The following CEP85L variants were observed in gnomAD, a reference collection of about 807,000 sequenced individuals.
CEP85L encodes centrosomal protein 85L, also known as centrosomal protein of 85 kDa-like.
Under a neutral mutation model 100.3 loss-of-function variants are expected in CEP85L, and 60 were observed. The observed-to-expected ratio is 0.60, with a 90% CI of 0.49 to 0.74. CEP85L has a LOEUF of 0.74. Among genes scored for constraint, CEP85L ranks in the 30% least tolerant of loss-of-function variants. The pLI, the probability that CEP85L is intolerant of heterozygous loss-of-function variation, is 0.00. For missense variants in CEP85L, 973 were observed against 936.2 expected, an observed-to-expected ratio of 1.04 and a Z score of -0.51; for synonymous variants, 319 against 322.7, an observed-to-expected ratio of 0.99 and a Z score of 0.12.
chr6:118,708,439 C>A (rs760912117), intron 1 of CEP85L, among the ~76,000 whole-genome samples: 2 of 152,172 alleles, frequency 1.3e-5, no homozygotes, highest in African/African-American at 4.8e-5. Context: ...GAAAAGATAA[C>A]CCATAAACTT....
intron 5 of CEP85L, among the ~76,000 whole-genome samples, chr6:118,503,831 C>CAAA (rs71012390): frequency 0.48 from 60,108 of 126,334 alleles, 14,990 homozygotes; most frequent in Middle Eastern, 0.56. Flanking sequence ...TATAAAACTC[C>CAAA]AAAAAAAAAA....
At chr6:118,533,390 A>G (rs1465132329) in intron 3 of CEP85L, among the ~76,000 whole-genome samples, 1 of 152,184 alleles carries the variant, frequency 6.6e-6, no homozygotes, top group African/African-American at 2.4e-5. Context: ...CTTAAAAAAC[A>G]CAAACTTACC....
At chr6:118,567,203 ATATG>A (rs1454398256) in intron 2 of CEP85L, among the ~76,000 whole-genome samples, 3 of 92,082 alleles carry the variant, frequency 3.3e-5, no homozygotes, top group South Asian at 4.3e-4. Flanking sequence ...GTATGAATAT[ATATG>A]TATGTGTGTG....
chr6:118,471,153 C>G (rs1772927432), intron 10 of CEP85L, among the ~76,000 whole-genome samples: 1 of 151,980 alleles, frequency 6.6e-6, no homozygotes, highest in African/African-American at 2.4e-5. Context: ...ATACTGTGAA[C>G]TCTGGGTCAA....
intron 5 of CEP85L, among the ~76,000 whole-genome samples, chr6:118,508,022 A>G (rs1229338956): frequency 2.0e-5 from 3 of 152,202 alleles, no homozygotes; most frequent in Non-Finnish European, 4.4e-5. Flanking sequence ...AAGATAAACA[A>G]TTTTTAAGGA....
intron 11 of CEP85L, among the ~76,000 whole-genome samples, chr6:118,470,261 C>T (rs1369361248): frequency 6.6e-6 from 1 of 151,730 alleles, no homozygotes; most frequent in South Asian, 2.1e-4. Context: ...AACTCAATAG[C>T]CTGGGGTGAT....
rs559498120 is a variant in CEP85L, at chr6:118,592,875, T to C, written c.233-26559A>G. Among the ~76,000 whole-genome samples, 3 of 152,318 alleles carry C rather than the reference T, an allele frequency of 2.0e-5. No individual in the cohort carries two copies. The East Asian group carries it at 5.8e-4, about 29-fold the overall frequency. On this transcript the variant is annotated intron_variant, in intron 2 of 12. Transcript: ENST00000368491. Reference sequence around the variant, plus strand: ...AGAAGTAATGGCTGAAATAAGATTGTCATGTATTATAATTGTATAAATTTG... The same window carrying C: ...AGAAGTAATGGCTGAAATAAGATTGCCATGTATTATAATTGTATAAATTTG...
rs764850651 is a variant in CEP85L at position 118,579,484 on chromosome 6, A to G, written c.233-13168T>C. ...TTCTGGACATCTCACACTAGTTTCA[A>G]CTTAAGATTAAGTCTCATCAGGCAG... On this transcript the variant is annotated intron_variant, in intron 2 of 12. Coordinates refer to ENST00000368491, the MANE Select transcript of CEP85L (RefSeq NM_001042475.3). Among the ~76,000 whole-genome samples the G allele has an allele frequency of 4.4e-4, 67 of 152,196 alleles. 1 individual carries two copies. Among genetic ancestry groups the G allele is most frequent in the Non-Finnish European group, 7.8e-4 (53 of 68,036 alleles).
intron 8 of CEP85L, among the ~76,000 whole-genome samples, chr6:118,481,523 T>C (rs564773654): frequency 9.9e-5 from 15 of 152,162 alleles, no homozygotes; most frequent in African/African-American, 3.6e-4. Flanking sequence ...GAGATGCCCA[T>C]GGCAGCATTT....
chr6:118,650,660 A>C (rs1295503009), intron 1 of CEP85L, among the ~76,000 whole-genome samples: 6 of 152,144 alleles, frequency 3.9e-5, no homozygotes, highest in Admixed American at 3.9e-4. Context: ...CATCTCTGGC[A>C]GCATCCTCCC....
At chr6:118,608,349 G>C (rs1400931312) in intron 2 of CEP85L, among the ~76,000 whole-genome samples, 1 of 152,072 alleles carries the variant, frequency 6.6e-6, no homozygotes, top group Non-Finnish European at 1.5e-5. Context: ...CAAAAAATTA[G>C]CCAGGCGTGG....
At chr6:118,632,644 A>G (rs180915886) in intron 1 of CEP85L, 33 bp from the exon 2 acceptor site, 79 of 1,564,682 alleles carry the variant, frequency 5.0e-5, no homozygotes, top group South Asian at 3.8e-4. Flanking sequence ...GTTAACACAT[A>G]TATCTGAGTA....
At chr6:118,653,097 T>TG (rs1247716973), upstream of CEP85L, among the ~76,000 whole-genome samples, 2 of 152,344 alleles carry the variant, frequency 1.3e-5, no homozygotes, top group South Asian at 2.1e-4. Context: ...AAAATACACT[T>TG]ATTATTTCAA....
At chr6:118,605,896 C>G (rs1032748572) in intron 2 of CEP85L, among the ~76,000 whole-genome samples, 1 of 151,996 alleles carries the variant, frequency 6.6e-6, no homozygotes, top group Non-Finnish European at 1.5e-5. Flanking sequence ...CACCTGTAGT[C>G]CCAGCTACTT....
chr6:118,468,676 C>G (rs1320430168), intron 12 of CEP85L, among the ~76,000 whole-genome samples: 1 of 80,022 alleles, frequency 1.2e-5, no homozygotes, highest in Non-Finnish European at 3.0e-5. Context: ...ACATATACTG[C>G]ACTGGAAAGC....
intron 2 of CEP85L, among the ~76,000 whole-genome samples, chr6:118,621,312 G>A (rs1001791756): frequency 8.5e-5 from 13 of 152,196 alleles, no homozygotes; most frequent in East Asian, 7.7e-4. Flanking sequence ...CCTAAGCCCC[G>A]CTCTCTCAGA....
chr6:118,533,867 G>A (rs561366583), intron 3 of CEP85L, among the ~76,000 whole-genome samples: 4 of 152,268 alleles, frequency 2.6e-5, no homozygotes, highest in African/African-American at 9.6e-5. Context: ...GGCCGAGGCA[G>A]GTGGATCTCT....
Position 118,565,611 on chromosome 6 carries a change from T to C in CEP85L, c.938A>G (p.Asn313Ser). 1 of 1,614,252 alleles carries C rather than the reference T, an allele frequency of 6.2e-7. No homozygotes were observed. Among genetic ancestry groups the C allele is most frequent in the Non-Finnish European group, 8.5e-7 (1 of 1,180,034 alleles). The change falls in exon 3 of 13, where the codon AAT (asparagine) becomes AGT (serine). Residue 313 changes from asparagine (N) to serine (S), a missense_variant. Around this residue, in one of 3 missense-constraint regions of CEP85L, gnomAD observed 890 missense variants for 844.5 expected, o/e 1.05. Transcript: ENST00000368491. ...QLRTNPLEGR[N>S]TEDSYSLAPW... The stretch of plus-strand genomic sequence containing the variant: ...AGCTAAACTGTAAGAATCCTCTGTA[T>C]TTCTACCTTCCAAAGGATTTGTCCG...
intron 5 of CEP85L, among the ~76,000 whole-genome samples, chr6:118,497,409 A>G (rs1178549631): frequency 6.6e-6 from 1 of 152,214 alleles, no homozygotes; most frequent in Non-Finnish European, 1.5e-5. Context: ...CTCCCAGATG[A>G]GACCGTCTAG....
Sources: gnomAD v4.1 joint callset for allele counts (sites outside exome capture counted in the v4.1 genomes callset) on GRCh38, gnomAD v4.1.1 for gene constraint, gnomAD v4.1.1 regional missense constraint, MANE v1.5 for transcripts, NCBI Gene and HGNC (gene_info 2026-07-23, HGNC 2026-07-21) for gene names.